CREBBP: variants seen among roughly 807,000 people sequenced by gnomAD.
CREBBP encodes the protein CREB binding lysine acetyltransferase.
CREBBP carries 19 observed loss-of-function variants against 265.0 expected under a neutral mutation model. That is an observed-to-expected ratio of 0.07 (90% CI 0.05 to 0.11). The LOEUF (loss-of-function observed/expected upper bound fraction) is 0.11, where lower values mean the gene tolerates loss of function less well. Among genes scored for constraint, CREBBP ranks in the 10% least tolerant of loss-of-function variants. The probability of loss-of-function intolerance (pLI) is 1.00; values close to 1 mark genes in which losing one functional copy is unlikely to be tolerated. For missense variants in CREBBP, 2,525 were observed against 3,219.0 expected (o/e 0.78, Z 5.22); for synonymous variants, 1,457 against 1,223.7 (o/e 1.19, Z -3.98).
intron 2 of CREBBP, among the ~76,000 whole-genome samples, chr16:3,828,920 T>C (rs186084548): frequency 7.9e-5 from 12 of 152,306 alleles, no homozygotes; most frequent in Admixed American, 7.2e-4. Flanking sequence ...CAGTGCCCAG[T>C]ACAATAGGCA....
At chr16:3,745,909 T>C (rs2052330862) in intron 21 of CREBBP, among the ~76,000 whole-genome samples, 2 of 152,174 alleles carry the variant, frequency 1.3e-5, no homozygotes, top group Non-Finnish European at 2.9e-5. Context: ...TACTGGCAAG[T>C]TGACAAGGGT....
chr16:3,770,241 G>A (rs1567298525), intron 14 of CREBBP, among the ~76,000 whole-genome samples: 1 of 152,000 alleles, frequency 6.6e-6, no homozygotes. Flanking sequence ...GAGTACAGTG[G>A]CGTGATCTTG....
intron 2 of CREBBP, among the ~76,000 whole-genome samples, chr16:3,844,813 GATA>G (rs1349165362): frequency 6.6e-6 from 1 of 152,152 alleles, no homozygotes; most frequent in Non-Finnish European, 1.5e-5. Flanking sequence ...TAGCCAGTTA[GATA>G]ATGAAATATA....
At position 3,850,824 on chromosome 16, in the gene CREBBP, C is replaced by T. The variant is rs200673670; in HGVS notation, c.271G>A (p.Ala91Thr). 9.9e-6 allele frequency: 16 copies of T among 1,613,972 alleles called. No individual in the cohort carries two copies. Among genetic ancestry groups the T allele is most frequent in the Admixed American group, 1.7e-5 (1 of 59,996 alleles). ...AGGCCCTGCTGCACGGGGCTGCTGGCGCTCACATTTCCTATTCCTGGGTTG... is the reference window on the plus strand; with the variant it reads ...AGGCCCTGCTGCACGGGGCTGCTGGTGCTCACATTTCCTATTCCTGGGTTG... ...SINPGIGNVS[A>T]SSPVQQGLGG... The change falls in exon 2 of 31, where the codon GCC (alanine) becomes ACC (threonine). Residue 91 changes from alanine to threonine, a missense_variant. Ala to Thr is a moderately conservative substitution (Grantham distance 58, BLOSUM62 0). Coordinates refer to ENST00000262367, the MANE Select transcript of CREBBP (RefSeq NM_004380.3).
At chr16:3,800,038 T>C (rs572328726) in intron 3 of CREBBP, among the ~76,000 whole-genome samples, 1 of 152,204 alleles carries the variant, frequency 6.6e-6, no homozygotes, top group African/African-American at 2.4e-5. Flanking sequence ...GGGAAGGTAA[T>C]TAAGGTGGGT....
chr16:3,751,755 G>A lies in CREBBP; in HGVS notation c.3750C>T (p.Thr1250=), dbSNP rs199885110. The change falls in exon 20 of 31, where the codon ACC becomes ACT. Residue 1250 remains threonine, a synonymous_variant. Transcript: ENST00000262367. ...CFTEIQGENV[T]LGDDPSQPQT... ...GGGGCTGTGAAGGGTCGTCACCCAGGGTCACATTCTCGCCCTGGATCTCTG... is the reference window on the plus strand; with the variant it reads ...GGGGCTGTGAAGGGTCGTCACCCAGAGTCACATTCTCGCCCTGGATCTCTG... The A allele has an allele frequency of 1.6e-4, 252 of 1,614,104 alleles. No individual in the cohort carries two copies. The highest frequency in any genetic ancestry group is 2.0e-4 in the Non-Finnish European group (231 of 1,180,012).
In CREBBP at chr16:3,780,855, T is replaced by C; in HGVS notation, c.1700A>G (p.Asn567Ser). The change falls in exon 8 of 31, where the codon AAC becomes AGC. Residue 567 changes from asparagine (N) to serine (S), a missense_variant. Physicochemically the swap from Asn to Ser is conservative, Grantham distance 46. Around this residue, in one of 19 missense-constraint regions of CREBBP, gnomAD observed 144 missense variants for 134.0 expected, o/e 1.07. Coordinates refer to ENST00000262367, the MANE Select transcript of CREBBP (RefSeq NM_004380.3). ...ATNPLMNDGS[N>S]SGNIGTLSTI... The stretch of plus-strand genomic sequence containing the variant: ...GCTGAGGGTTCCAATGTTACCAGAG[T>C]TGGAGCCATCGTTCATCAGTGGGCT... The C allele has an allele frequency of 6.2e-7, 1 of 1,613,584 alleles. No individual in the cohort carries two copies. Among genetic ancestry groups the C allele is most frequent in the Non-Finnish European group, 8.5e-7 (1 of 1,180,010 alleles).
intron 1 of CREBBP, among the ~76,000 whole-genome samples, chr16:3,872,261 C>T (rs1453252399): frequency 6.6e-6 from 1 of 151,102 alleles, no homozygotes; most frequent in Non-Finnish European, 1.5e-5. Flanking sequence ...AGAGGGGCCA[C>T]TTTTGTTTAC....
chr16:3,739,978 A>G (rs1023600597), intron 24 of CREBBP, among the ~76,000 whole-genome samples: 7 of 152,200 alleles, frequency 4.6e-5, no homozygotes, highest in African/African-American at 1.7e-4. Context: ...AGGACTGGCT[A>G]TACAGCAGTC....
intron 2 of CREBBP, among the ~76,000 whole-genome samples, chr16:3,838,386 TTAA>T (rs1311858151): frequency 6.6e-6 from 1 of 152,168 alleles, no homozygotes; most frequent in Non-Finnish European, 1.5e-5. Flanking sequence ...ACATAATCAC[TTAA>T]TGATGCATTT....
chr16:3,760,602 T>C (rs1216337710), intron 16 of CREBBP, among the ~76,000 whole-genome samples: 4 of 151,510 alleles, frequency 2.6e-5, no homozygotes, highest in African/African-American at 9.7e-5. Flanking sequence ...ATGGGTTTCA[T>C]CATGTTGGCC....
At chr16:3,863,275 G>A (rs973723417) in intron 1 of CREBBP, among the ~76,000 whole-genome samples, 4 of 152,138 alleles carry the variant, frequency 2.6e-5, no homozygotes, top group Non-Finnish European at 5.9e-5. Context: ...CTGCTTCGCT[G>A]AATGATTACT....
chr16:3,872,963 G>A (rs926707667), intron 1 of CREBBP, among the ~76,000 whole-genome samples: 1 of 152,226 alleles, frequency 6.6e-6, no homozygotes, highest in Non-Finnish European at 1.5e-5. Flanking sequence ...AGGAAACAGG[G>A]GAGGGAGTAA....
At chr16:3,729,913 G>T (rs2051865847) in intron 30 of CREBBP, 39 bp from the exon 31 acceptor site, 1 of 1,595,946 alleles carries the variant, frequency 6.3e-7, no homozygotes. Context: ...TGTCAGCATG[G>T]GACCCAGTAC....
At chr16:3,866,803 T>C (rs1362830035) in intron 1 of CREBBP, among the ~76,000 whole-genome samples, 1 of 152,202 alleles carries the variant, frequency 6.6e-6, no homozygotes, top group Non-Finnish European at 1.5e-5. Flanking sequence ...AAAAGAGATC[T>C]AATTATCATT....
At chr16:3,816,705 G>A (rs780815516) in intron 2 of CREBBP, among the ~76,000 whole-genome samples, 1 of 152,192 alleles carries the variant, frequency 6.6e-6, no homozygotes, top group Non-Finnish European at 1.5e-5. Context: ...AGGATTATCT[G>A]TCACATAAAT....
chr16:3,880,005 G>C lies in CREBBP; in HGVS notation c.-89C>G. 3.3e-6 allele frequency: 4 copies of C among 1,199,846 alleles called. No homozygotes were observed. The highest frequency in any genetic ancestry group is 4.4e-6 in the Non-Finnish European group (4 of 911,746). The allele number at this position is 1,199,846 out of a possible 1,614,324, so 74.3% of individuals were successfully genotyped here. On this transcript the variant is annotated 5_prime_UTR_variant, in exon 1 of 31. Coordinates refer to ENST00000262367, the MANE Select transcript of CREBBP (RefSeq NM_004380.3). Reference sequence around the variant, plus strand: ...GGTCGGGGGCCCTGCCGGCTGCGAGGGAGAGGAGCGAGCGCGGGCCGCGAG... The same window carrying C: ...GGTCGGGGGCCCTGCCGGCTGCGAGCGAGAGGAGCGAGCGCGGGCCGCGAG...
At position 3,725,494 on chromosome 16, in the gene CREBBP, G is replaced by A. The variant is rs1163218517; in HGVS notation, c.*2224C>T. On this transcript the variant is annotated 3_prime_UTR_variant, in exon 31 of 31. Coordinates refer to ENST00000262367, the MANE Select transcript of CREBBP (RefSeq NM_004380.3). ...AACACATGGCTCAAGGTTTCCCTAC[G>A]GGTGGAAAAGATGAAGAGGACACTG... 8.6e-6 allele frequency: 2 copies of A among 233,212 alleles called. No homozygotes were observed. The highest frequency in any genetic ancestry group is 1.7e-5 in the Non-Finnish European group (2 of 118,002). 14.4% of individuals were successfully genotyped at this position (233,212 alleles called of 1,614,324 possible). A position where few individuals can be genotyped will look rare whatever the true frequency, so the allele number is the denominator to read the frequency against.
chr16:3,728,668 T>G lies in CREBBP; in HGVS notation c.6379A>C (p.Met2127Leu). 1 of 1,613,618 alleles carries G rather than the reference T, an allele frequency of 6.2e-7. No homozygotes were observed. Among genetic ancestry groups the G allele is most frequent in the East Asian group, 2.2e-5 (1 of 44,840 alleles). The change falls in exon 31 of 31, where the codon ATG (methionine) becomes CTG (leucine). Residue 2127 changes from methionine to leucine, a missense_variant. Transcript: ENST00000262367. The surrounding 1 kb of genome is among the most constrained non-coding windows in gnomAD (Gnocchi z 8.7). ...PQPGLQSQPG[M>L]QPQPGMHQQP... The stretch of plus-strand genomic sequence containing the variant: ...TGGTGCATGCCAGGCTGGGGTTGCA[T>G]GCCGGGCTGGGACTGGAGGCCAGGC...
Sources: allele counts gnomAD v4.1 joint callset (sites outside exome capture counted in the v4.1 genomes callset), GRCh38; gene constraint gnomAD v4.1.1; regional missense constraint gnomAD v4.1.1; non-coding constraint Gnocchi (gnomAD v3.1); transcripts MANE v1.5; gene names NCBI Gene and HGNC (gene_info 2026-07-23, HGNC 2026-07-21).